Variants in SLC25A21 observed in about 807,000 individuals in gnomAD.
The protein encoded by SLC25A21 is solute carrier family 25 member 21.
A neutral mutation model predicts 43.8 loss-of-function variants in SLC25A21; 47 were observed. That is an observed-to-expected ratio of 1.07 (90% CI 0.85 to 1.37). SLC25A21 has a LOEUF of 1.37. SLC25A21 is among the 40% of genes most tolerant of loss of function. SLC25A21 has a pLI of 0.00. For missense variants in SLC25A21, 352 were observed against 350.2 expected, an observed-to-expected ratio of 1.00 and a Z score of -0.04; for synonymous variants, 131 against 121.3, an observed-to-expected ratio of 1.08 and a Z score of -0.52.
intron 1 of SLC25A21, among the ~76,000 whole-genome samples, chr14:36,916,696 A>G (rs139065123): frequency 5.6e-4 from 85 of 152,312 alleles, no homozygotes; most frequent in African/African-American, 1.9e-3. Flanking sequence ...TAAGGTAATT[A>G]CTGTATAACT....
chr14:36,975,967 G>A (rs1272135065), intron 1 of SLC25A21, among the ~76,000 whole-genome samples: 1 of 152,188 alleles, frequency 6.6e-6, no homozygotes, highest in Non-Finnish European at 1.5e-5. Context: ...TCAGGCAGTC[G>A]CTTGCCAGGC....
intron 5 of SLC25A21, among the ~76,000 whole-genome samples, chr14:36,727,985 GTTC>G (rs1884668953): frequency 6.6e-6 from 1 of 152,014 alleles, no homozygotes; most frequent in South Asian, 2.1e-4. Context: ...TCACTTTTTT[GTTC>G]TTCTATAAAA....
chr14:36,732,169 T>C (rs745989479), intron 4 of SLC25A21, among the ~76,000 whole-genome samples: 22 of 152,072 alleles, frequency 1.4e-4, no homozygotes, highest in Admixed American at 3.9e-4. Context: ...TCTTTTAAGT[T>C]TTCTTTCTGT....
chr14:36,979,133 A>G (rs1959952144), intron 1 of SLC25A21, among the ~76,000 whole-genome samples: 1 of 152,198 alleles, frequency 6.6e-6, no homozygotes, highest in Non-Finnish European at 1.5e-5. Flanking sequence ...TTAACAGGTT[A>G]GACAGCATGA....
At chr14:37,033,998 G>C (rs1050004953) in intron 1 of SLC25A21, among the ~76,000 whole-genome samples, 2 of 150,562 alleles carry the variant, frequency 1.3e-5, no homozygotes, top group Non-Finnish European at 3.0e-5. Context: ...ATGATATTCT[G>C]GGATTCTGGG....
intron 1 of SLC25A21, among the ~76,000 whole-genome samples, chr14:37,159,796 G>A (rs1963909649): frequency 6.6e-6 from 1 of 152,162 alleles, no homozygotes; most frequent in African/African-American, 2.4e-5. Flanking sequence ...CGTGTTGAAT[G>A]AGAGAAAATA....
rs914486129 is a variant in SLC25A21 at position 37,161,885 on chromosome 14, C to A, written c.70+10396G>T. Among the ~76,000 whole-genome samples the A allele has an allele frequency of 3.3e-5, 5 of 149,782 alleles. No homozygotes were observed. In the Admixed American group the frequency reaches 3.4e-4, roughly 10 times the overall value. ...GGCTGAGGCAGGAGAACGGCGTGAA[C>A]CCGGGAGGCGGAGCTTGCAGTGAGC... On this transcript the variant is annotated intron_variant, in intron 1 of 9. Transcript: ENST00000331299.
chr14:36,887,977 G>A (rs776513237), intron 1 of SLC25A21, among the ~76,000 whole-genome samples: 3 of 152,146 alleles, frequency 2.0e-5, no homozygotes, highest in Non-Finnish European at 4.4e-5. Flanking sequence ...CAGGGTGTAT[G>A]CCACACTTTC....
At chr14:36,910,950 T>C (rs1891671177) in intron 1 of SLC25A21, among the ~76,000 whole-genome samples, 1 of 152,210 alleles carries the variant, frequency 6.6e-6, no homozygotes, top group Admixed American at 6.5e-5. Flanking sequence ...TATTCCTATG[T>C]ATTGTGATAA....
chr14:37,006,115 G>A (rs1960597784), intron 1 of SLC25A21, among the ~76,000 whole-genome samples: 1 of 152,086 alleles, frequency 6.6e-6, no homozygotes, highest in Non-Finnish European at 1.5e-5. Flanking sequence ...AATTTTCTAA[G>A]TAATGATAAA....
At chr14:36,816,646 T>G (rs1397953110) in intron 2 of SLC25A21, among the ~76,000 whole-genome samples, 1 of 151,958 alleles carries the variant, frequency 6.6e-6, no homozygotes, top group East Asian at 1.9e-4. Context: ...ACTACAGGCA[T>G]GCACCATCAT....
At position 36,843,008 on chromosome 14, in the gene SLC25A21, T is replaced by C. The variant is rs1889434001; in HGVS notation, c.120-29007A>G. 2.0e-5 allele frequency among the ~76,000 whole-genome samples: 3 copies of C among 152,168 alleles called. No homozygotes were observed. The South Asian group carries it at 6.2e-4, about 32-fold the overall frequency. ...AGAGTCTCATAAGCAGCGTGCAACC[T>C]AGATCCCTCACAAGCACAGTTCACA... On this transcript the variant is annotated intron_variant, in intron 2 of 9. Transcript: ENST00000331299.
chr14:37,149,072 A>G (rs1265836856), intron 1 of SLC25A21, among the ~76,000 whole-genome samples: 5 of 152,150 alleles, frequency 3.3e-5, no homozygotes, highest in African/African-American at 1.2e-4. Flanking sequence ...GTGCCTGCCT[A>G]GATGATCCAT....
intron 2 of SLC25A21, among the ~76,000 whole-genome samples, chr14:36,873,335 G>A (rs555732843): frequency 1.4e-4 from 21 of 151,866 alleles, no homozygotes; most frequent in South Asian, 1.3e-3. Context: ...TTGCTCTGTC[G>A]CCCAAGCTGA....
chr14:37,061,515 C>T (rs1961947853), intron 1 of SLC25A21, among the ~76,000 whole-genome samples: 1 of 152,030 alleles, frequency 6.6e-6, no homozygotes, highest in African/African-American at 2.4e-5. Context: ...GATTTTTTCC[C>T]CTCTAGTCAG....
Position 36,810,009 on chromosome 14 carries a change from CT to C in SLC25A21, c.203+3908del, listed in dbSNP as rs530426698. Reference sequence around the variant, plus strand: ...TGTCTTCTTTTCTTCTCTTTCGTTTCTTTTTTTGTTTTTTCTTTCGTTTAAC... The same window carrying C: ...TGTCTTCTTTTCTTCTCTTTCGTTTCTTTTTTGTTTTTTCTTTCGTTTAAC... On this transcript the variant is annotated intron_variant, in intron 3 of 9. Transcript: ENST00000331299. Among the ~76,000 whole-genome samples the C allele has an allele frequency of 6.5e-3, 988 of 152,178 alleles. 3 individuals carry two copies. The highest frequency in any genetic ancestry group is 0.011 in the Admixed American group (164 of 15,286).
At position 36,680,381 on chromosome 14, in the gene SLC25A21, A is replaced by G; in HGVS notation, c.*277T>C. ...AGGAGACAAAGTTTCTATTTATTTT[A>G]TGAAATAAATATATGATTTCTATGC... On this transcript the variant is annotated 3_prime_UTR_variant, in exon 10 of 10. Transcript: ENST00000331299. 1 of 1,054,338 alleles carries G rather than the reference A, an allele frequency of 9.5e-7. No individual in the cohort carries two copies. The highest frequency in any genetic ancestry group is 1.1e-6 in the Non-Finnish European group (1 of 870,440). The allele number at this position is 1,054,338 out of a possible 1,614,324, so 65.3% of individuals were successfully genotyped here.
At chr14:36,999,869 T>C (rs544993966) in intron 1 of SLC25A21, among the ~76,000 whole-genome samples, 2 of 152,238 alleles carry the variant, frequency 1.3e-5, no homozygotes, top group South Asian at 4.1e-4. Context: ...TTATTATCCA[T>C]TGTCTGTCTT....
chr14:37,011,033 C>T (rs1369376317), intron 1 of SLC25A21, among the ~76,000 whole-genome samples: 3 of 152,140 alleles, frequency 2.0e-5, no homozygotes, highest in Admixed American at 1.3e-4. Flanking sequence ...ACTACAGGTG[C>T]GTGCCACCCT....
Sources: allele counts gnomAD v4.1 joint callset (sites outside exome capture counted in the v4.1 genomes callset), GRCh38; gene constraint gnomAD v4.1.1; transcripts MANE v1.5; gene names NCBI Gene and HGNC (gene_info 2026-07-23, HGNC 2026-07-21).